TMPRSS5: variants seen among roughly 807,000 people sequenced by gnomAD.
The protein encoded by TMPRSS5 is transmembrane protease serine 5.
Under a neutral mutation model 59.7 loss-of-function variants are expected in TMPRSS5, and 45 were observed. The ratio of observed to expected loss-of-function variants is 0.75; its 90% CI spans 0.59 to 0.97. TMPRSS5 has a LOEUF of 0.97. Ranked by LOEUF, TMPRSS5 falls within the 50% of genes least tolerant of loss-of-function variation. The pLI is 0.00. For synonymous variants in TMPRSS5, 225 were observed against 232.0 expected (o/e 0.97, Z 0.27); for missense variants, 585 against 596.7 (o/e 0.98, Z 0.20).
chr11:113,703,544 C>T (rs1953199729), intron 1 of TMPRSS5, among the ~76,000 whole-genome samples: 1 of 152,152 alleles, frequency 6.6e-6, no homozygotes, highest in Non-Finnish European at 1.5e-5. Flanking sequence ...GAAATGAGGA[C>T]ATGAGATTTG....
rs763177831 is a variant in TMPRSS5 at position 113,689,811 on chromosome 11, T to C, written c.1313A>G (p.Tyr438Cys). ...GTCCAGAAACTCAGCTACCTTGGCG[T>C]AGACACCTGGGTGATTGGGCTCTGC... ...GCAEPNHPGV[Y>C]AKVAEFLDWI... Residue 438 changes from tyrosine to cysteine, a missense_variant, in exon 12 of 13, where the codon TAC becomes TGC. By Grantham distance (194) the Tyr-to-Cys change is radical. Transcript: ENST00000299882. 8 of 1,607,184 alleles carry C rather than the reference T, an allele frequency of 5.0e-6. No individual in the cohort carries two copies. The South Asian group carries it at 9.0e-5, about 18-fold the overall frequency.
At chr11:113,702,840 G>A (rs1047006308) in intron 1 of TMPRSS5, among the ~76,000 whole-genome samples, 2 of 152,230 alleles carry the variant, frequency 1.3e-5, no homozygotes, top group Non-Finnish European at 2.9e-5. Flanking sequence ...GAGCCTGCGG[G>A]TGCACAGAAG....
intron 9 of TMPRSS5, among the ~76,000 whole-genome samples, chr11:113,691,476 C>T (rs1198210285): frequency 6.6e-6 from 1 of 152,180 alleles, no homozygotes; most frequent in Non-Finnish European, 1.5e-5. Context: ...GCCGTCCTCC[C>T]ACCAAACAGG....
chr11:113,699,272 C>CTCTCTCTCTCTCTCTCTCTCTCTCTCT (rs1953044616), intron 3 of TMPRSS5, among the ~76,000 whole-genome samples: 1 of 24,060 alleles, frequency 4.2e-5, no homozygotes. Context: ...TCTCTCTCTC[C>CTCTCTCTCTCTCTCTCTCTCTCTCTCT]CTCTCTCTCT....
chr11:113,693,469 A>T, intron 8 of TMPRSS5: 1 of 451,188 alleles, frequency 2.2e-6, no homozygotes. Flanking sequence ...TGCAGGACTG[A>T]TGGATAGAGA....
Position 113,699,211 on chromosome 11 carries a change from G to C in TMPRSS5, c.206-184C>G, listed in dbSNP as rs12797654. Among the ~76,000 whole-genome samples the C allele has an allele frequency of 0.49, 30,410 of 62,454 alleles. 5,067 individuals are homozygous for C. Among genetic ancestry groups the C allele is most frequent in the African/African-American group, 0.6 (11,296 of 18,902 alleles). The allele number at this position is 62,454 out of a possible 152,430, so 41.0% of individuals were successfully genotyped here. On this transcript the variant is annotated intron_variant, in intron 3 of 12. Transcript: ENST00000299882. ...CTCTTTGACTCTCCTTTGTCTGTCT[G>C]TCTCTCTCTCTCTCTCTCTCTCTCT...
At position 113,688,266 on chromosome 11, in the gene TMPRSS5, G is replaced by A; in HGVS notation, c.1368C>T (p.Leu456=). ...CTGGAGGAAACAGCAGGACTCAGAG[G>A]AGGGAGTCCTAGACCAAAAGGGAAA... The part of the protein sequence containing the change: ...DWIHDTAQDS[L]L The change falls in exon 13 of 13, where the codon CTC becomes CTT. Residue 456 remains leucine, a synonymous_variant. Transcript: ENST00000299882. The A allele has an allele frequency of 1.9e-6, 3 of 1,580,378 alleles. No individual in the cohort carries two copies. The highest frequency in any genetic ancestry group is 2.6e-6 in the Non-Finnish European group (3 of 1,162,666).
At chr11:113,696,826 C>G in intron 6 of TMPRSS5, 32 bp downstream of exon 6, 2 of 1,462,062 alleles carry the variant, frequency 1.4e-6, no homozygotes, top group Non-Finnish European at 1.9e-6. Flanking sequence ...AAGTAAGGGA[C>G]CCCACTCACC....
chr11:113,693,180 G>C lies in TMPRSS5; in HGVS notation c.855C>G (p.Pro285=). 1 of 1,602,308 alleles carries C rather than the reference G, an allele frequency of 6.2e-7. No individual in the cohort carries two copies. The highest frequency in any genetic ancestry group is 1.1e-5 in the South Asian group (1 of 88,604). Residue 285 remains proline (P), a synonymous_variant, in exon 9 of 13, where the codon CCC becomes CCG. Transcript: ENST00000299882. ...TCCTCTCCACCAGAGCCCCTTGGTG[G>C]GGCCTGACGGCACTGTGGCTGACCA... ...AGLVSHSAVR[P]HQGALVERII... is the part of the protein sequence containing the mutation.
At chr11:113,701,081 G>A (rs1237831241) in intron 1 of TMPRSS5, among the ~76,000 whole-genome samples, 1 of 152,240 alleles carries the variant, frequency 6.6e-6, no homozygotes, top group East Asian at 1.9e-4. Flanking sequence ...GAGGAACTGT[G>A]AGTCAATTAA....
intron 3 of TMPRSS5, among the ~76,000 whole-genome samples, chr11:113,699,262 T>TCTCCC (rs1565263703): frequency 1.1e-5 from 1 of 93,258 alleles, no homozygotes; most frequent in African/African-American, 6.1e-5. Context: ...TCTCTCTCTC[T>TCTCCC]CTCTCTCTCC....
Position 113,698,999 on chromosome 11 carries a change from C to A in TMPRSS5, c.234G>T (p.Gln78His). ...CATCCTGCAAGGTCCCGGAAATGGG[C>A]TGAGAGGCAGCAGGACACAGATACA... The part of the protein sequence containing the change: ...LVLYLCPAAS[Q>H]PISGTLQDEE... Residue 78 changes from glutamine to histidine, a missense_variant, in exon 4 of 13, where the codon CAG becomes CAT. By Grantham distance (24) the Gln-to-His change is conservative. Transcript: ENST00000299882. 1 of 1,611,156 alleles carries A rather than the reference C, an allele frequency of 6.2e-7. No individual in the cohort carries two copies. The highest frequency in any genetic ancestry group is 1.7e-5 in the Admixed American group (1 of 59,694).
At chr11:113,693,349 G>C (rs551393221) in intron 8 of TMPRSS5, 100 bp from the exon 9 acceptor site, 79 of 1,321,064 alleles carry the variant, frequency 6.0e-5, no homozygotes, top group Admixed American at 2.1e-4. Context: ...AGCCATTGGT[G>C]GGGGGGCCGT....
intron 7 of TMPRSS5, 56 bp downstream of exon 7, chr11:113,695,343 CA>C: frequency 1.3e-5 from 21 of 1,580,984 alleles, no homozygotes; most frequent in Non-Finnish European, 1.8e-5. Context: ...ACACTTGAGG[CA>C]GGGGGAACAC....
At chr11:113,690,176 G>GGCCGGC in intron 11 of TMPRSS5, 55 bp downstream of exon 11, 2 of 388,230 alleles carry the variant, frequency 5.2e-6, no homozygotes, top group Non-Finnish European at 8.3e-6. Flanking sequence ...CAGGCCCCCT[G>GGCCGGC]CCCTCCCACC....
chr11:113,704,487 C>A (rs1953231731), intron 1 of TMPRSS5, among the ~76,000 whole-genome samples: 1 of 152,162 alleles, frequency 6.6e-6, no homozygotes, highest in Admixed American at 6.5e-5. Context: ...AGCTCCATGG[C>A]ATCGCTCACA....
At chr11:113,703,213 G>A (rs140895760) in intron 1 of TMPRSS5, among the ~76,000 whole-genome samples, 7 of 152,372 alleles carry the variant, frequency 4.6e-5, no homozygotes, top group African/African-American at 1.2e-4. Context: ...TTGCATCAGC[G>A]TGACCTGGAT....
chr11:113,688,304 C>T, intron 12 of TMPRSS5, 30 bp from the exon 13 acceptor site: 1 of 1,493,476 alleles, frequency 6.7e-7, no homozygotes, highest in Non-Finnish European at 9.2e-7. Flanking sequence ...AACTGATTCA[C>T]AGCATGGCTC....
chr11:113,688,056 G>C lies in TMPRSS5; in HGVS notation c.*204C>G, dbSNP rs1305008739. 1 of 709,892 alleles carries C rather than the reference G, an allele frequency of 1.4e-6. No individual in the cohort carries two copies. Among genetic ancestry groups the C allele is most frequent in the Non-Finnish European group, 2.0e-6 (1 of 492,876 alleles). The allele number at this position is 709,892 out of a possible 1,614,324, so 44.0% of individuals were successfully genotyped here. A position where few individuals can be genotyped will look rare whatever the true frequency, so the allele number is the denominator to read the frequency against. On this transcript the variant is annotated 3_prime_UTR_variant, in exon 13 of 13. Coordinates refer to ENST00000299882, the MANE Select transcript of TMPRSS5 (RefSeq NM_030770.4). ...GTCATTGAGTCTCTAGTGAGAAAGA[G>C]GACTCTGAAATCAGGGCCCAAGAGG...
Sources: gnomAD v4.1 joint callset for allele counts (sites outside exome capture counted in the v4.1 genomes callset) on GRCh38, gnomAD v4.1.1 for gene constraint, MANE v1.5 for transcripts, NCBI Gene and HGNC (gene_info 2026-07-23, HGNC 2026-07-21) for gene names.